The following DUSP8 variants were observed in gnomAD, a reference collection of about 807,000 sequenced individuals.
The protein encoded by DUSP8 is dual specificity phosphatase 8.
A neutral mutation model predicts 38.7 loss-of-function variants in DUSP8; 15 were observed. The observed-to-expected ratio is 0.39, with a 90% CI of 0.26 to 0.60. The LOEUF (loss-of-function observed/expected upper bound fraction) is 0.60, where lower values mean the gene tolerates loss of function less well. Among genes scored for constraint, DUSP8 ranks in the 20% least tolerant of loss-of-function variants. The pLI, the probability that DUSP8 is intolerant of heterozygous loss-of-function variation, is 0.56. For synonymous variants in DUSP8, 458 were observed against 433.9 expected, an observed-to-expected ratio of 1.06 and a Z score of -0.69; for missense variants, 768 against 915.0, an observed-to-expected ratio of 0.84 and a Z score of 2.07.
rs763741234 is a variant in DUSP8 at position 1,558,882 on chromosome 11, C to G, written c.537+7G>C. 3.1e-6 allele frequency: 5 copies of G among 1,605,934 alleles called. No individual in the cohort carries two copies. Among genetic ancestry groups the G allele is most frequent in the Non-Finnish European group, 3.4e-6 (4 of 1,174,882 alleles). On this transcript the variant is annotated splice_region_variant and intron_variant, in intron 4 of 6. Transcript: ENST00000397374. This position sits in a 1 kb window ranked among gnomAD's most constrained non-coding sequence, Gnocchi z 6.3. ...TGACCACCCCCCGAACTCCACTGCA[C>G]ACACACCTTGTTTAGGACGTCCTTC...
In DUSP8 at chr11:1,555,045, C is replaced by T; in HGVS notation, c.*1473G>A. The T allele has an allele frequency of 1.0e-6, 1 of 986,404 alleles. No homozygotes were observed. Among genetic ancestry groups the T allele is most frequent in the South Asian group, 4.7e-5 (1 of 21,322 alleles). The allele number at this position is 986,404 out of a possible 1,614,324, so 61.1% of individuals were successfully genotyped here. ...GCCTCCCTGGCCCTGCTCCAGGACT[C>T]AGGACTGGGTCCTGCCCTGGGCTGC... On this transcript the variant is annotated 3_prime_UTR_variant, in exon 7 of 7. Coordinates refer to ENST00000397374, the MANE Select transcript of DUSP8 (RefSeq NM_004420.3).
rs541704543 is a variant in DUSP8 at position 1,561,666 on chromosome 11, G to A, written c.370+2185C>T. Among the ~76,000 whole-genome samples the A allele has an allele frequency of 6.6e-4, 100 of 152,336 alleles. 1 individual carries two copies. The highest frequency in any genetic ancestry group is 3.4e-3 in the Middle Eastern group (1 of 294). ...TGCCACTGTTTCTCTCCCGCTTCCC[G>A]CAAACCTGCCCTGCTGTGGGGAGGA... On this transcript the variant is annotated intron_variant, in intron 3 of 6. Coordinates refer to ENST00000397374, the MANE Select transcript of DUSP8 (RefSeq NM_004420.3).
In DUSP8 at chr11:1,559,868, G is replaced by A. The variant is rs539155799; in HGVS notation, c.371-813C>T. ...TGCCCTGCACCAGCTGGAAGGACCCGAACGTGAATCCCTGGATGTCTGACT... is the reference window on the plus strand; with the variant it reads ...TGCCCTGCACCAGCTGGAAGGACCCAAACGTGAATCCCTGGATGTCTGACT... On this transcript the variant is annotated intron_variant, in intron 3 of 6. Transcript: ENST00000397374. Among the ~76,000 whole-genome samples the A allele has an allele frequency of 5.9e-5, 9 of 152,334 alleles. No individual in the cohort carries two copies. In the South Asian group the frequency reaches 1.0e-3, roughly 18 times the overall value.
intron 2 of DUSP8, 106 bp downstream of exon 2, chr11:1,565,490 C>G (rs1365714784): frequency 3.3e-6 from 3 of 895,872 alleles, no homozygotes; most frequent in Non-Finnish European, 5.1e-6. Context: ...CCCAAGGAGT[C>G]GAGTTTGGAC....
In DUSP8 at chr11:1,569,959, C is replaced by T. The variant is rs578102092; in HGVS notation, c.-109+1942G>A. Among the ~76,000 whole-genome samples the T allele has an allele frequency of 1.8e-4, 28 of 152,324 alleles. No homozygotes were observed. The South Asian group carries it at 5.0e-3, about 27-fold the overall frequency. On this transcript the variant is annotated intron_variant, in intron 1 of 6. Coordinates refer to ENST00000397374, the MANE Select transcript of DUSP8 (RefSeq NM_004420.3). ...GACCCTGCACTCACACAGGTCAGCT[C>T]ATCTTCCCTCACTGGGCTCCCCCAG... is the stretch of plus-strand genomic sequence containing the variant.
chr11:1,567,688 C>A (rs569780017), intron 1 of DUSP8, among the ~76,000 whole-genome samples: 1 of 152,236 alleles, frequency 6.6e-6, no homozygotes, highest in Non-Finnish European at 1.5e-5. Context: ...GCTGACCCCA[C>A]GGCTGACACC....
Position 1,557,471 on chromosome 11 carries a change from C to T in DUSP8, c.925G>A (p.Asp309Asn), listed in dbSNP as rs1848654251. Residue 309 changes from aspartate (D) to asparagine (N), a missense_variant, in exon 7 of 7, where the codon GAC (aspartate) becomes AAC (asparagine). Coordinates refer to ENST00000397374, the MANE Select transcript of DUSP8 (RefSeq NM_004420.3). This position sits in a 1 kb window ranked among gnomAD's most constrained non-coding sequence, Gnocchi z 9.9. Reference protein sequence around the residue: ...SLKLLAALQGDPGTPSGTPEP... With the variant: ...SLKLLAALQGNPGTPSGTPEP... ...GGCGTCCCTGAGGGGGTGCCCGGGT[C>T]GCCCTGCAGGGCGGCCAGCAGCTTC... 3.8e-6 allele frequency: 6 copies of T among 1,564,210 alleles called. No individual in the cohort carries two copies. Among genetic ancestry groups the T allele is most frequent in the Non-Finnish European group, 5.1e-6 (6 of 1,166,520 alleles).
intron 3 of DUSP8, among the ~76,000 whole-genome samples, chr11:1,561,397 G>A (rs1002899546): frequency 2.0e-5 from 3 of 152,190 alleles, no homozygotes; most frequent in African/African-American, 2.4e-5. Flanking sequence ...ACTTCTGCCC[G>A]CCACCTCCAT....
In DUSP8 at chr11:1,561,166, C is replaced by T. The variant is rs148167866; in HGVS notation, c.371-2111G>A. ...TGGACCCTTTGTAGGTCCCAGCACT[C>T]TTTGGGCCCTGGGGAGGCACCCCTA... On this transcript the variant is annotated intron_variant, in intron 3 of 6. Transcript: ENST00000397374. Among the ~76,000 whole-genome samples the T allele has an allele frequency of 4.2e-3, 632 of 152,188 alleles. 5 individuals are homozygous for T. Among genetic ancestry groups the T allele is most frequent in the African/African-American group, 0.015 (602 of 41,498 alleles).
rs1159633077 is a variant in DUSP8, at chr11:1,555,489, G to C, written c.*1029C>G. On this transcript the variant is annotated 3_prime_UTR_variant, in exon 7 of 7. Coordinates refer to ENST00000397374, the MANE Select transcript of DUSP8 (RefSeq NM_004420.3). ...AGTTCTGCCTGGGGCATGGCTGGGA[G>C]GGGGGCGGGGCAGACCTGGAACAGA... The C allele has an allele frequency of 6.3e-6, 6 of 955,960 alleles. No homozygotes were observed. The highest frequency in any genetic ancestry group is 1.8e-5 in the African/African-American group (1 of 56,582). 59.2% of individuals were successfully genotyped at this position (955,960 alleles called of 1,614,324 possible).
rs966534060 is a variant in DUSP8 at position 1,558,385 on chromosome 11, T to C, written c.538-114A>G. ...AGGGCCTTTAGAATCCTGGGAGCCT[T>C]GGAATTTGTCCCAGATCCCAGTGTA... On this transcript the variant is annotated intron_variant, in intron 4 of 6. Transcript: ENST00000397374. This position sits in a 1 kb window ranked among gnomAD's most constrained non-coding sequence, Gnocchi z 6.3. 7.6e-5 allele frequency: 74 copies of C among 971,578 alleles called. No individual in the cohort carries two copies. The African/African-American group carries it at 9.5e-4, about 12-fold the overall frequency. The allele number at this position is 971,578 out of a possible 1,614,324, so 60.2% of individuals were successfully genotyped here.
intron 1 of DUSP8, 33 bp from the exon 2 acceptor site, chr11:1,565,967 C>T (rs1277445256): frequency 1.2e-5 from 9 of 723,362 alleles, no homozygotes; most frequent in East Asian, 5.4e-5. Flanking sequence ...AGCAGTGCTG[C>T]GGGCCCCTGG....
rs1253207390 is a variant in DUSP8 at position 1,570,936 on chromosome 11, C to A, written c.-109+965G>T. 2.0e-5 allele frequency among the ~76,000 whole-genome samples: 3 copies of A among 150,508 alleles called. No individual in the cohort carries two copies. The East Asian group carries it at 5.9e-4, about 29-fold the overall frequency. ...AAAGGAGCTTCCCTGGCCTGCAGCA[C>A]CCCACCCCCACCCCAAGCTGCACAG... On this transcript the variant is annotated intron_variant, in intron 1 of 6. Coordinates refer to ENST00000397374, the MANE Select transcript of DUSP8 (RefSeq NM_004420.3).
chr11:1,568,063 C>T (rs960455313), intron 1 of DUSP8, among the ~76,000 whole-genome samples: 4 of 152,176 alleles, frequency 2.6e-5, no homozygotes, highest in Non-Finnish European at 5.9e-5. Flanking sequence ...CCCAGAACCC[C>T]GAGAAGGCTG....
intron 3 of DUSP8, among the ~76,000 whole-genome samples, chr11:1,563,235 C>T (rs1848749779): frequency 6.6e-6 from 1 of 152,172 alleles, no homozygotes. Context: ...CTGGGCCGAC[C>T]CCAGGAGGTG....
chr11:1,566,074 G>A (rs2133445381), intron 1 of DUSP8, 140 bp from the exon 2 acceptor site: 2 of 541,350 alleles, frequency 3.7e-6, no homozygotes, highest in Non-Finnish European at 6.6e-6. Flanking sequence ...TCCCTCTGGA[G>A]AGACCCCGTC....
chr11:1,570,336 C>T (rs1168840413), intron 1 of DUSP8, among the ~76,000 whole-genome samples: 2 of 152,144 alleles, frequency 1.3e-5, no homozygotes, highest in Non-Finnish European at 2.9e-5. Flanking sequence ...GGGGCCTCAG[C>T]GGGTGCAGTT....
In DUSP8 at chr11:1,558,735, TCCTCCTGGGCCCCCAC is replaced by T. The variant is rs1848674023; in HGVS notation, c.537+138_537+153del. On this transcript the variant is annotated intron_variant, in intron 4 of 6. Transcript: ENST00000397374. The surrounding 1 kb of genome is among the most constrained non-coding windows in gnomAD (Gnocchi z 6.3). ...AGGGGCATGGGTGGGGAGCCTGGGGTCCTCCTGGGCCCCCACCCATGCTTCTCCCACACCCAGCTCA... is the reference window on the plus strand; with the variant it reads ...AGGGGCATGGGTGGGGAGCCTGGGGTCCATGCTTCTCCCACACCCAGCTCA... Among the ~76,000 whole-genome samples the T allele has an allele frequency of 6.6e-6, 1 of 151,498 alleles. No homozygotes were observed. The highest frequency in any genetic ancestry group is 1.5e-5 in the Non-Finnish European group (1 of 67,886).
chr11:1,572,334 C>T (rs1258430399), upstream of DUSP8, among the ~76,000 whole-genome samples: 2 of 149,872 alleles, frequency 1.3e-5, no homozygotes, highest in African/African-American at 4.9e-5. This position sits in a 1 kb window ranked among gnomAD's most constrained non-coding sequence, Gnocchi z 4.7. Flanking sequence ...GCGAAAAAAG[C>T]CCCTGACGTC....
Sources: gnomAD v4.1 joint callset for allele counts (sites outside exome capture counted in the v4.1 genomes callset) on GRCh38, gnomAD v4.1.1 for gene constraint, Gnocchi (gnomAD v3.1) non-coding constraint, MANE v1.5 for transcripts, NCBI Gene and HGNC (gene_info 2026-07-23, HGNC 2026-07-21) for gene names.